CCDC14: variants seen among roughly 807,000 people sequenced by gnomAD.
CCDC14 encodes coiled-coil domain-containing protein 14.
In CCDC14, 71 loss-of-function variants were observed where a neutral mutation model predicts 81.4. That is an observed-to-expected ratio of 0.87 (90% CI 0.72 to 1.06). The LOEUF is 1.06. CCDC14 is among the 50% of genes least tolerant of loss of function. CCDC14 has a pLI of 0.00. For missense variants in CCDC14, 1,046 were observed against 1,047.3 expected (o/e 1.00, Z 0.02); for synonymous variants, 332 against 364.8 (o/e 0.91, Z 1.03).
At chr3:123,912,930 A>G (rs548007136), downstream of CCDC14, among the ~76,000 whole-genome samples, 1 of 152,242 alleles carries the variant, frequency 6.6e-6, no homozygotes, top group South Asian at 2.1e-4. Context: ...TAATATACCA[A>G]ATTCAACCAA....
Position 123,948,891 on chromosome 3 carries a change from C to G in CCDC14, c.589+5G>C. The G allele has an allele frequency of 6.2e-7, 1 of 1,609,378 alleles. No individual in the cohort carries two copies. The highest frequency in any genetic ancestry group is 1.1e-5 in the South Asian group (1 of 90,748). On this transcript the variant is annotated splice_donor_5th_base_variant and intron_variant, in intron 6 of 12. Transcript: ENST00000409697. ...TCACGATTTTTAAACAGCATTCGTA[C>G]TCACCAGAATGAGAGGGAGCATGGC...
chr3:123,944,907 G>A lies in CCDC14; in HGVS notation c.1285C>T (p.Gln429Ter). The change falls in exon 9 of 13, where the codon CAA becomes TAA. Residue 429 changes from glutamine to a stop codon, truncating the protein, a stop_gained. Transcript: ENST00000409697. LOFTEE classifies it high-confidence loss of function. Reference protein sequence around the residue: ...LPTVSGNTDIQVEIALAMQPL... With the variant: ...LPTVSGNTDI Reference sequence around the variant, plus strand: ...TGCATGGCCAGTGCTATCTCAACTTGAATATCTGTGTTTCCACTTACTGTT... The same window carrying A: ...TGCATGGCCAGTGCTATCTCAACTTAAATATCTGTGTTTCCACTTACTGTT... The A allele has an allele frequency of 6.2e-7, 1 of 1,611,684 alleles. No individual in the cohort carries two copies. The highest frequency in any genetic ancestry group is 8.5e-7 in the Non-Finnish European group (1 of 1,178,250).
chr3:123,947,713 G>A (rs2036732865), intron 7 of CCDC14, among the ~76,000 whole-genome samples: 1 of 152,014 alleles, frequency 6.6e-6, no homozygotes, highest in African/African-American at 2.4e-5. Context: ...CCATATTACA[G>A]GGTAAATTAA....
intron 10 of CCDC14, 192 bp downstream of exon 10, chr3:123,933,479 AAC>A: frequency 3.6e-6 from 2 of 561,796 alleles, no homozygotes; most frequent in South Asian, 4.7e-5. Flanking sequence ...TGTAAAAGGA[AAC>A]ACACTCCTGT....
chr3:123,927,352 G>A (rs771773945), intron 12 of CCDC14, among the ~76,000 whole-genome samples: 2 of 152,116 alleles, frequency 1.3e-5, no homozygotes, highest in South Asian at 4.1e-4. Flanking sequence ...GGGAGGTTGA[G>A]GCGGTACTGA....
At chr3:123,948,047 A>G (rs957281245) in intron 7 of CCDC14, among the ~76,000 whole-genome samples, 4 of 152,086 alleles carry the variant, frequency 2.6e-5, no homozygotes, top group African/African-American at 4.8e-5. Context: ...AGGAAAGCAA[A>G]TGTTAACAAA....
chr3:123,920,716 G>T (rs995828494), intron 12 of CCDC14, among the ~76,000 whole-genome samples: 1 of 152,136 alleles, frequency 6.6e-6, no homozygotes, highest in African/African-American at 2.4e-5. Context: ...TGAAGTAAAA[G>T]ATCACTAATT....
At chr3:123,956,717 T>G in intron 2 of CCDC14, 23 bp downstream of exon 2, 1 of 1,534,868 alleles carries the variant, frequency 6.5e-7, no homozygotes, top group Non-Finnish European at 8.8e-7. Flanking sequence ...AATCTGAAGT[T>G]GTAAACGTCT....
chr3:123,919,150 G>A (rs1009428119), intron 12 of CCDC14, among the ~76,000 whole-genome samples: 1 of 152,104 alleles, frequency 6.6e-6, no homozygotes, highest in South Asian at 2.1e-4. Flanking sequence ...TGTGGAGGTC[G>A]GCATCTGGCC....
intron 12 of CCDC14, among the ~76,000 whole-genome samples, chr3:123,930,609 A>C (rs1397139255): frequency 6.6e-6 from 1 of 152,236 alleles, no homozygotes; most frequent in African/African-American, 2.4e-5. Flanking sequence ...TAACTGATGA[A>C]ATAATGCTGA....
chr3:123,912,163 C>T (rs138107769), downstream of CCDC14, among the ~76,000 whole-genome samples: 8 of 152,312 alleles, frequency 5.3e-5, no homozygotes, highest in East Asian at 1.5e-3. Flanking sequence ...ATGGTTCTCA[C>T]TCCATGCTCA....
At chr3:123,928,301 T>C (rs1239165331) in intron 12 of CCDC14, among the ~76,000 whole-genome samples, 1 of 129,468 alleles carries the variant, frequency 7.7e-6, no homozygotes, top group Non-Finnish European at 1.6e-5. Context: ...ATAGAGACCA[T>C]CCTGGCTAAC....
intron 12 of CCDC14, among the ~76,000 whole-genome samples, chr3:123,923,904 A>C (rs1340657375): frequency 1.3e-5 from 2 of 151,682 alleles, no homozygotes; most frequent in Non-Finnish European, 1.5e-5. Context: ...AATTCCTATC[A>C]AAATTCCAGT....
chr3:123,936,039 C>G (rs1490886835), intron 9 of CCDC14, among the ~76,000 whole-genome samples: 2 of 151,948 alleles, frequency 1.3e-5, no homozygotes, highest in African/African-American at 2.4e-5. Flanking sequence ...TATCCCACTC[C>G]CTTTATCTTC....
At chr3:123,890,077 G>A in the CCDC14 span, among the ~76,000 whole-genome samples, 1 of 152,164 alleles carries the variant, frequency 6.6e-6, no homozygotes, top group East Asian at 1.9e-4. Flanking sequence ...GAGGGCTTGT[G>A]CAGAGAAACT....
chr3:123,961,169 A>C lies in CCDC14; in HGVS notation c.5T>G (p.Val2Gly). 6.4e-7 allele frequency: 1 copy of C among 1,551,524 alleles called. No homozygotes were observed. Residue 2 changes from valine to glycine, a missense_variant, in exon 1 of 13, where the codon GTC becomes GGC. Val to Gly is a moderately radical substitution (Grantham distance 109, BLOSUM62 -3). Coordinates refer to ENST00000409697, the MANE Select transcript of CCDC14 (RefSeq NM_001366335.1). ...CTGGCCCGGTCGAGCTCCAGACCTG[A>C]CCATCTCTCGCCGCCTCAGAGAAGC... M[V>G]RSGARPGQVL...
chr3:123,936,143 C>T (rs35474182), intron 9 of CCDC14, among the ~76,000 whole-genome samples: 13,236 of 152,146 alleles, frequency 0.087, 696 homozygotes, highest in Middle Eastern at 0.21. Context: ...TTCCCTCCAA[C>T]CTAACTGTAC....
downstream of CCDC14, among the ~76,000 whole-genome samples, chr3:123,897,004 A>G (rs2034075352): frequency 6.6e-6 from 1 of 152,088 alleles, no homozygotes; most frequent in African/African-American, 2.4e-5. Flanking sequence ...AAATTCTATA[A>G]TTACTCCCCA....
chr3:123,909,920 G>A (rs567667079), downstream of CCDC14, among the ~76,000 whole-genome samples: 5 of 152,252 alleles, frequency 3.3e-5, no homozygotes, highest in Admixed American at 2.0e-4. Context: ...TTAGGTGTGC[G>A]GCCTTAAGCA....
Sources: gnomAD v4.1 joint callset for allele counts (sites outside exome capture counted in the v4.1 genomes callset) on GRCh38, gnomAD v4.1.1 for gene constraint, MANE v1.5 for transcripts, NCBI Gene and HGNC (gene_info 2026-07-23, HGNC 2026-07-21) for gene names.